The following LRP1B variants were observed in gnomAD, a reference collection of about 807,000 sequenced individuals.
The protein encoded by LRP1B is low-density lipoprotein receptor-related protein 1B.
Under a neutral mutation model 556.6 loss-of-function variants are expected in LRP1B, and 217 were observed. The observed-to-expected ratio is 0.39, with a 90% CI of 0.35 to 0.44. The LOEUF is 0.44. Among genes scored for constraint, LRP1B ranks in the 20% least tolerant of loss-of-function variants. LRP1B has a pLI of 1.00. For missense variants in LRP1B, 5,053 were observed against 5,620.8 expected, an observed-to-expected ratio of 0.90 and a Z score of 3.23; for synonymous variants, 2,047 against 1,865.8, an observed-to-expected ratio of 1.10 and a Z score of -2.50.
intron 56 of LRP1B, among the ~76,000 whole-genome samples, chr2:140,494,418 G>A (rs190007099): frequency 5.2e-4 from 79 of 152,034 alleles, no homozygotes; most frequent in Middle Eastern, 6.8e-3. Context: ...TGGTGAACAC[G>A]GTGAAACCCC....
intron 1 of LRP1B, among the ~76,000 whole-genome samples, chr2:141,983,787 G>A (rs188413167): frequency 1.8e-3 from 279 of 152,274 alleles, no homozygotes; most frequent in Admixed American, 4.1e-3. Context: ...TAGGCTGGGC[G>A]TGGTGGCTCA....
intron 41 of LRP1B, among the ~76,000 whole-genome samples, chr2:140,619,170 T>C (rs1683364367): frequency 6.6e-6 from 1 of 151,672 alleles, no homozygotes; most frequent in African/African-American, 2.4e-5. Flanking sequence ...GGGGACCAGG[T>C]GCTATTTTCT....
At chr2:140,796,623 A>T (rs1280716700) in intron 32 of LRP1B, among the ~76,000 whole-genome samples, 1 of 152,118 alleles carries the variant, frequency 6.6e-6, no homozygotes, top group Non-Finnish European at 1.5e-5. Context: ...TATGGCAATT[A>T]GAAGACTGAT....
At chr2:140,629,228 T>C (rs1423506709) in intron 41 of LRP1B, among the ~76,000 whole-genome samples, 8 of 151,770 alleles carry the variant, frequency 5.3e-5, no homozygotes, top group Admixed American at 4.6e-4. Flanking sequence ...TAATTCTTTT[T>C]TTTTTTTTTT....
intron 3 of LRP1B, among the ~76,000 whole-genome samples, chr2:141,328,479 T>C (rs1396975511): frequency 6.6e-6 from 1 of 152,182 alleles, no homozygotes; most frequent in Non-Finnish European, 1.5e-5. Flanking sequence ...GGATCATATG[T>C]GTAAATTAGT....
chr2:140,758,185 T>G (rs1490298162), intron 35 of LRP1B, among the ~76,000 whole-genome samples: 1 of 152,046 alleles, frequency 6.6e-6, no homozygotes, highest in Non-Finnish European at 1.5e-5. Context: ...ATTGGAAAGG[T>G]TAAAAATTTT....
chr2:141,683,318 G>T (rs563503227), intron 2 of LRP1B, among the ~76,000 whole-genome samples: 1 of 152,192 alleles, frequency 6.6e-6, no homozygotes, highest in South Asian at 2.1e-4. Flanking sequence ...GCTTGAGAGG[G>T]CTTACAAGAA....
intron 7 of LRP1B, among the ~76,000 whole-genome samples, chr2:141,071,762 A>C (rs1307913499): frequency 6.6e-6 from 1 of 152,184 alleles, no homozygotes; most frequent in African/African-American, 2.4e-5. Context: ...CAATTGCTTC[A>C]AAGAGAATAA....
intron 3 of LRP1B, among the ~76,000 whole-genome samples, chr2:141,382,375 T>A (rs1573881245): frequency 6.6e-6 from 1 of 152,206 alleles, no homozygotes; most frequent in African/African-American, 2.4e-5. Flanking sequence ...CAGTCTCAGG[T>A]TCAGCTTCTC....
At chr2:141,363,481 T>C (rs951061134) in intron 3 of LRP1B, among the ~76,000 whole-genome samples, 1 of 152,174 alleles carries the variant, frequency 6.6e-6, no homozygotes. Flanking sequence ...CGTTACTAAA[T>C]TGAACTCCTT....
chr2:141,755,091 T>C (rs1266028930), intron 2 of LRP1B, among the ~76,000 whole-genome samples: 1 of 152,106 alleles, frequency 6.6e-6, no homozygotes, highest in Admixed American at 6.5e-5. Flanking sequence ...ATTCCTCATA[T>C]TGGGAATTAT....
At chr2:140,306,672 T>C (rs910466813) in intron 83 of LRP1B, among the ~76,000 whole-genome samples, 2 of 152,234 alleles carry the variant, frequency 1.3e-5, no homozygotes, top group Admixed American at 1.3e-4. Context: ...TCTGCTCTGA[T>C]CTCAGTTATT....
intron 1 of LRP1B, among the ~76,000 whole-genome samples, chr2:141,885,768 T>C (rs939253384): frequency 1.1e-4 from 16 of 152,182 alleles, no homozygotes; most frequent in African/African-American, 3.9e-4. Flanking sequence ...TCCCAGTTCA[T>C]TGGTACACTT....
intron 5 of LRP1B, among the ~76,000 whole-genome samples, chr2:141,243,887 T>C (rs1245841777): frequency 6.6e-6 from 1 of 152,192 alleles, no homozygotes; most frequent in Admixed American, 6.6e-5. Flanking sequence ...TGCTGTAGTG[T>C]CTAAAATCTC....
rs572671802 is a variant in LRP1B, at chr2:140,738,174, G to C, written c.5759-21358C>G. Among the ~76,000 whole-genome samples, 7 of 152,236 alleles carry C rather than the reference G, an allele frequency of 4.6e-5. 1 individual carries two copies. The South Asian group carries it at 1.5e-3, about 32-fold the overall frequency. ...CTTGCCAAGCCACTTTGAACTTCTT[G>C]TATCTATGGATCAGCAGGTGAAAAG... On this transcript the variant is annotated intron_variant, in intron 35 of 90. Coordinates refer to ENST00000389484, the MANE Select transcript of LRP1B (RefSeq NM_018557.3).
chr2:141,178,779 G>A (rs1415269251), intron 7 of LRP1B, among the ~76,000 whole-genome samples: 1 of 151,964 alleles, frequency 6.6e-6, no homozygotes, highest in African/African-American at 2.4e-5. Context: ...TCTGCTAGTT[G>A]GGAGCAGAGT....
chr2:140,977,693 T>C (rs1185731218), intron 18 of LRP1B, among the ~76,000 whole-genome samples: 2 of 152,136 alleles, frequency 1.3e-5, no homozygotes, highest in African/African-American at 4.8e-5. Flanking sequence ...CACCTGAGAC[T>C]GACTGGATCA....
chr2:140,702,332 G>C (rs1348170963), intron 38 of LRP1B, 40 bp from the exon 39 acceptor site: 1 of 1,607,250 alleles, frequency 6.2e-7, no homozygotes, highest in African/African-American at 1.3e-5. Flanking sequence ...GACTATATTT[G>C]ATTGTTTTAT....
chr2:140,630,003 G>C (rs1442913688), intron 41 of LRP1B, among the ~76,000 whole-genome samples: 1 of 152,216 alleles, frequency 6.6e-6, no homozygotes, highest in Non-Finnish European at 1.5e-5. Context: ...GAAGCAAGCT[G>C]TTTGGGCCAT....
Sources: gnomAD v4.1 joint callset for allele counts (sites outside exome capture counted in the v4.1 genomes callset) on GRCh38, gnomAD v4.1.1 for gene constraint, MANE v1.5 for transcripts, NCBI Gene and HGNC (gene_info 2026-07-23, HGNC 2026-07-21) for gene names.